The following YWHAQ variants were observed in gnomAD, a reference collection of about 807,000 sequenced individuals.
YWHAQ encodes tyrosine 3-monooxygenase/tryptophan 5-monooxygenase activation protein theta, also known as 14-3-3 protein theta.
YWHAQ carries 6 observed loss-of-function variants against 28.3 expected under a neutral mutation model. The observed-to-expected ratio is 0.21, with a 90% CI of 0.12 to 0.42. The LOEUF (loss-of-function observed/expected upper bound fraction) is 0.42. Ranked by LOEUF, YWHAQ falls within the 10% of genes least tolerant of loss-of-function variation. The pLI is 1.00. For synonymous variants in YWHAQ, 143 were observed against 119.1 expected (o/e 1.20, Z -1.31); for missense variants, 201 against 305.6 (o/e 0.66, Z 2.55).
At chr2:9,629,861 C>G (rs1667325422) in intron 2 of YWHAQ, among the ~76,000 whole-genome samples, 1 of 152,162 alleles carries the variant, frequency 6.6e-6, no homozygotes, top group Non-Finnish European at 1.5e-5. Context: ...TCTCCCCGCA[C>G]AAGAAACTTA....
chr2:9,595,009 T>C (rs2125064179), intron 2 of YWHAQ, among the ~76,000 whole-genome samples: 1 of 152,318 alleles, frequency 6.6e-6, no homozygotes, highest in East Asian at 1.9e-4. Flanking sequence ...CTTTGACTAC[T>C]AGTTTGCATA....
chr2:9,599,082 C>G (rs1666635551), intron 2 of YWHAQ, among the ~76,000 whole-genome samples: 1 of 152,188 alleles, frequency 6.6e-6, no homozygotes, highest in African/African-American at 2.4e-5. Flanking sequence ...ATGGAGAAAA[C>G]TTTATGTGGT....
intron 2 of YWHAQ, among the ~76,000 whole-genome samples, chr2:9,598,668 G>A (rs1666626398): frequency 6.6e-6 from 1 of 151,996 alleles, no homozygotes; most frequent in African/African-American, 2.4e-5. Context: ...ATTGTTTTGG[G>A]GTACCAGAAT....
rs1199087569 is a variant in YWHAQ at position 9,585,074 on chromosome 2, C to A, written c.*212G>T. The A allele has an allele frequency of 7.1e-6, 4 of 566,598 alleles. No individual in the cohort carries two copies. The East Asian group carries it at 8.9e-5, about 13-fold the overall frequency. 35.1% of individuals were successfully genotyped at this position (566,598 alleles called of 1,614,324 possible). A position where few individuals can be genotyped will look rare whatever the true frequency, so the allele number is the denominator to read the frequency against. On this transcript the variant is annotated 3_prime_UTR_variant, in exon 6 of 6. Transcript: ENST00000238081. ...TTTATATGAAATGAAGCTATTAATA[C>A]TTTTCTACAGCAGTACTGCACACCA...
At position 9,587,580 on chromosome 2, in the gene YWHAQ, A is replaced by G. The variant is rs563806606; in HGVS notation, c.583-71T>C. 39 of 1,391,746 alleles carry G rather than the reference A, an allele frequency of 2.8e-5. No individual in the cohort carries two copies. In the African/African-American group the frequency reaches 5.0e-4, roughly 18 times the overall value. 86.2% of individuals were successfully genotyped at this position (1,391,746 alleles called of 1,614,324 possible). A position where few individuals can be genotyped will look rare whatever the true frequency, so the allele number is the denominator to read the frequency against. On this transcript the variant is annotated intron_variant, in intron 4 of 5. Transcript: ENST00000238081. ...ACTGGTTATTCTACAATTACAAACCATTTTTACAAAATAAGTGAACACCCA... is the reference window on the plus strand; with the variant it reads ...ACTGGTTATTCTACAATTACAAACCGTTTTTACAAAATAAGTGAACACCCA...
chr2:9,609,960 G>A (rs1425831252), intron 2 of YWHAQ, among the ~76,000 whole-genome samples: 1 of 152,162 alleles, frequency 6.6e-6, no homozygotes, highest in Non-Finnish European at 1.5e-5. Context: ...TACTGTAAAG[G>A]ACTGAGTTGG....
intron 2 of YWHAQ, among the ~76,000 whole-genome samples, chr2:9,599,599 C>CATCCAGGCAA (rs1345785148): frequency 2.7e-4 from 41 of 152,272 alleles, no homozygotes; most frequent in Admixed American, 9.2e-4. Context: ...GAACAACCAA[C>CATCCAGGCAA]CAAGCCTGGA....
At chr2:9,607,453 C>A (rs1666854559) in intron 2 of YWHAQ, among the ~76,000 whole-genome samples, 1 of 151,856 alleles carries the variant, frequency 6.6e-6, no homozygotes, top group African/African-American at 2.4e-5. Context: ...GTGATCCACC[C>A]CCCTCGGCTT....
At chr2:9,624,476 T>C (rs1249016217) in intron 2 of YWHAQ, among the ~76,000 whole-genome samples, 2 of 152,250 alleles carry the variant, frequency 1.3e-5, no homozygotes, top group South Asian at 2.1e-4. Context: ...CAGCTCATTT[T>C]ATTTATGGAC....
chr2:9,594,262 T>C (rs1666523181), intron 2 of YWHAQ, among the ~76,000 whole-genome samples: 1 of 152,180 alleles, frequency 6.6e-6, no homozygotes, highest in Non-Finnish European at 1.5e-5. Flanking sequence ...AATATAATTT[T>C]AATAGTTTTT....
chr2:9,626,573 C>T (rs1385436824), intron 2 of YWHAQ, among the ~76,000 whole-genome samples: 1 of 152,226 alleles, frequency 6.6e-6, no homozygotes, highest in Non-Finnish European at 1.5e-5. Flanking sequence ...GAACTACAGG[C>T]ATGTGCCACC....
At chr2:9,627,078 A>G (rs1667260954) in intron 2 of YWHAQ, among the ~76,000 whole-genome samples, 1 of 152,222 alleles carries the variant, frequency 6.6e-6, no homozygotes, top group African/African-American at 2.4e-5. Flanking sequence ...TGGTTCACTT[A>G]TAGTTCTTTA....
intron 2 of YWHAQ, among the ~76,000 whole-genome samples, chr2:9,622,239 A>G (rs996770485): frequency 6.6e-5 from 10 of 151,352 alleles, no homozygotes; most frequent in Admixed American, 4.0e-4. Flanking sequence ...ATCTCTGCCT[A>G]TTCTCCCACA....
At chr2:9,595,247 C>T (rs1393048835) in intron 2 of YWHAQ, among the ~76,000 whole-genome samples, 1 of 152,078 alleles carries the variant, frequency 6.6e-6, no homozygotes, top group Non-Finnish European at 1.5e-5. Context: ...CATGTCTTTC[C>T]CAAATAATCA....
At chr2:9,599,127 T>C (rs1666636462) in intron 2 of YWHAQ, among the ~76,000 whole-genome samples, 2 of 152,178 alleles carry the variant, frequency 1.3e-5, no homozygotes, top group African/African-American at 4.8e-5. Context: ...CAACATTCCT[T>C]TAAATCAAAG....
chr2:9,624,874 C>A (rs1175372647), intron 2 of YWHAQ, among the ~76,000 whole-genome samples: 17 of 151,636 alleles, frequency 1.1e-4, no homozygotes, highest in Admixed American at 1.1e-3. Flanking sequence ...TCCCAAGTAA[C>A]TGGGATTACA....
At position 9,593,923 on chromosome 2, in the gene YWHAQ, T is replaced by TAC. The variant is rs1553372602; in HGVS notation, c.295-2410_295-2409dup. On this transcript the variant is annotated intron_variant, in intron 2 of 5. Transcript: ENST00000238081. The stretch of plus-strand genomic sequence containing the variant: ...TAAAAAAAATATATATATATATATA[T>TAC]ACACACACACACACACACACTTTTT... Among the ~76,000 whole-genome samples the TAC allele has an allele frequency of 8.5e-3, 1,153 of 135,144 alleles. 13 individuals carry two copies. The highest frequency in any genetic ancestry group is 0.035 in the East Asian group (173 of 4,992). 88.7% of individuals were successfully genotyped at this position (135,144 alleles called of 152,430 possible).
chr2:9,600,705 CA>C (rs1003394381), intron 2 of YWHAQ, among the ~76,000 whole-genome samples: 1 of 147,752 alleles, frequency 6.8e-6, no homozygotes, highest in Non-Finnish European at 1.5e-5. Context: ...AACTCTGTCT[CA>C]AAAAAAAAGA....
chr2:9,614,316 C>G (rs1667005017), intron 2 of YWHAQ, among the ~76,000 whole-genome samples: 1 of 152,178 alleles, frequency 6.6e-6, no homozygotes, highest in South Asian at 2.1e-4. Flanking sequence ...AGAATCAAGG[C>G]AAATAAACGC....
Sources: gnomAD v4.1 joint callset for allele counts (sites outside exome capture counted in the v4.1 genomes callset) on GRCh38, gnomAD v4.1.1 for gene constraint, MANE v1.5 for transcripts, NCBI Gene and HGNC (gene_info 2026-07-23, HGNC 2026-07-21) for gene names.